The following SDHC variants were observed in gnomAD, a reference collection of about 807,000 sequenced individuals.
SDHC encodes succinate dehydrogenase complex subunit C, also known as succinate dehydrogenase cytochrome b560 subunit, mitochondrial.
SDHC carries 11 observed loss-of-function variants against 22.6 expected under a neutral mutation model. That is an observed-to-expected ratio of 0.49 (90% CI 0.31 to 0.81). The LOEUF (loss-of-function observed/expected upper bound fraction) is 0.81. SDHC is among the 30% of genes least tolerant of loss of function. The probability of loss-of-function intolerance (pLI) is 0.05; values close to 1 mark genes in which losing one functional copy is unlikely to be tolerated. For missense variants in SDHC, 160 were observed against 212.0 expected (o/e 0.75, Z 1.52); for synonymous variants, 80 against 77.8 (o/e 1.03, Z -0.15).
Position 161,314,622 on chromosome 1 carries a change from CG to C in SDHC, c.20+201del, listed in dbSNP as rs573801222. The stretch of plus-strand genomic sequence containing the variant: ...CGCTCCGGTGCGCTCCGTAGGGCTT[CG>C]GGGTCACTGACTTCGTATCGAGGGG... On this transcript the variant is annotated intron_variant, in intron 1 of 5. Coordinates refer to ENST00000367975, the MANE Select transcript of SDHC (RefSeq NM_003001.5). 165 of 634,270 alleles carry C rather than the reference CG, an allele frequency of 2.6e-4. 1 individual carries two copies. In the East Asian group the frequency reaches 4.3e-3, roughly 17 times the overall value. The allele number at this position is 634,270 out of a possible 1,614,324, so 39.3% of individuals were successfully genotyped here. A position where few individuals can be genotyped will look rare whatever the true frequency, so the allele number is the denominator to read the frequency against.
chr1:161,357,048 A>C (rs1459422399), intron 5 of SDHC, among the ~76,000 whole-genome samples: 1 of 151,762 alleles, frequency 6.6e-6, no homozygotes, highest in Non-Finnish European at 1.5e-5. Context: ...CCTGTGCCTC[A>C]GCCTCTTAAG....
intron 4 of SDHC, among the ~76,000 whole-genome samples, chr1:161,354,834 T>C (rs1182373156): frequency 2.0e-5 from 3 of 151,816 alleles, no homozygotes; most frequent in East Asian, 3.9e-4. Context: ...CTCAGCCTCC[T>C]GAGTAGCTGG....
At chr1:161,315,923 G>A (rs771692556) in intron 1 of SDHC, among the ~76,000 whole-genome samples, 1 of 152,056 alleles carries the variant, frequency 6.6e-6, no homozygotes, top group Non-Finnish European at 1.5e-5. Flanking sequence ...GATGTGGCAG[G>A]GTCATAGGAT....
intron 1 of SDHC, among the ~76,000 whole-genome samples, chr1:161,315,761 G>A (rs920350401): frequency 6.6e-6 from 1 of 152,072 alleles, no homozygotes; most frequent in Non-Finnish European, 1.5e-5. Flanking sequence ...TAGGTGGAAC[G>A]AGAGACTTGG....
rs931400789 is a variant in SDHC, at chr1:161,351,262, C to A, written c.242-5415C>A. On this transcript the variant is annotated intron_variant, in intron 4 of 5. Transcript: ENST00000367975. ...TATTAGAAGAGGTTTTGCCATCTAT[C>A]TTCTATACTTTAGTCTCTTGTAATT... 6.5e-4 allele frequency among the ~76,000 whole-genome samples: 99 copies of A among 152,234 alleles called. 1 individual carries two copies. The highest frequency in any genetic ancestry group is 2.4e-3 in the African/African-American group (98 of 41,558).
chr1:161,361,130 A>T (rs1019638440), intron 5 of SDHC, among the ~76,000 whole-genome samples: 1 of 152,170 alleles, frequency 6.6e-6, no homozygotes, highest in Admixed American at 6.5e-5. Context: ...AGGGAAGCAG[A>T]GGCAGGAGGA....
intron 2 of SDHC, among the ~76,000 whole-genome samples, chr1:161,323,969 T>C (rs1048220492): frequency 1.3e-5 from 2 of 152,186 alleles, no homozygotes; most frequent in African/African-American, 2.4e-5. Flanking sequence ...GTGCTGGGAT[T>C]ACAGGCTTGA....
chr1:161,329,501 T>C (rs1409776392), intron 3 of SDHC, among the ~76,000 whole-genome samples: 1 of 151,986 alleles, frequency 6.6e-6, no homozygotes, highest in African/African-American at 2.4e-5. Flanking sequence ...CCGGCTAATT[T>C]TTGTCTTTTA....
chr1:161,336,649 A>G (rs914092833), intron 3 of SDHC, among the ~76,000 whole-genome samples: 4 of 151,970 alleles, frequency 2.6e-5, no homozygotes, highest in Non-Finnish European at 5.9e-5. Context: ...ACTTGGGGGG[A>G]AAAAAGCAGC....
At chr1:161,333,080 A>C (rs1023976714) in intron 3 of SDHC, among the ~76,000 whole-genome samples, 11 of 152,266 alleles carry the variant, frequency 7.2e-5, no homozygotes, top group African/African-American at 2.7e-4. Context: ...ATTTAAATGT[A>C]GTGATAAAAT....
intron 2 of SDHC, among the ~76,000 whole-genome samples, chr1:161,325,415 C>T (rs766791787): frequency 1.6e-4 from 24 of 152,052 alleles, no homozygotes; most frequent in Non-Finnish European, 3.2e-4. Context: ...CATGGTGGCT[C>T]ATGCCTGTAA....
chr1:161,352,436 T>C (rs928394900), intron 4 of SDHC, among the ~76,000 whole-genome samples: 1 of 152,184 alleles, frequency 6.6e-6, no homozygotes, highest in African/African-American at 2.4e-5. Flanking sequence ...AAATTTTTCC[T>C]GATTACAAGA....
chr1:161,343,045 A>T (rs1240404963), intron 4 of SDHC, among the ~76,000 whole-genome samples: 1 of 152,178 alleles, frequency 6.6e-6, no homozygotes. Flanking sequence ...GCAGATGGCA[A>T]CCTTCAGGTC....
intron 4 of SDHC, among the ~76,000 whole-genome samples, chr1:161,346,430 G>A (rs61802087): frequency 0.01 from 1,520 of 150,134 alleles, 15 homozygotes; most frequent in Non-Finnish European, 0.017. Flanking sequence ...ACAGAGTTTC[G>A]CTTTTGTTGC....
At chr1:161,342,247 G>A (rs1302902631) in intron 4 of SDHC, among the ~76,000 whole-genome samples, 3 of 152,148 alleles carry the variant, frequency 2.0e-5, no homozygotes, top group Non-Finnish European at 4.4e-5. Flanking sequence ...GACATTGGGG[G>A]AACTTGTGTT....
At chr1:161,348,126 G>T (rs1198110757) in intron 4 of SDHC, among the ~76,000 whole-genome samples, 1 of 151,980 alleles carries the variant, frequency 6.6e-6, no homozygotes, top group East Asian at 1.9e-4. Context: ...CTTTAAAATA[G>T]AATTTATTAA....
intron 3 of SDHC, among the ~76,000 whole-genome samples, chr1:161,336,667 A>G (rs1273724941): frequency 1.3e-5 from 2 of 152,070 alleles, no homozygotes; most frequent in African/African-American, 2.4e-5. Context: ...AGCAGGGAAC[A>G]CGGGGCTATA....
chr1:161,326,398 C>T (rs1671049871), intron 2 of SDHC, among the ~76,000 whole-genome samples: 1 of 151,768 alleles, frequency 6.6e-6, no homozygotes, highest in South Asian at 2.1e-4. Context: ...TCTTGGATCT[C>T]ATGTAGGAAG....
At chr1:161,354,354 C>T (rs1210718022) in intron 4 of SDHC, among the ~76,000 whole-genome samples, 1 of 152,116 alleles carries the variant, frequency 6.6e-6, no homozygotes, top group African/African-American at 2.4e-5. Flanking sequence ...AACTGAACTA[C>T]CTTGAGCTAG....
Sources: allele counts gnomAD v4.1 joint callset (sites outside exome capture counted in the v4.1 genomes callset), GRCh38; gene constraint gnomAD v4.1.1; transcripts MANE v1.5; gene names NCBI Gene and HGNC (gene_info 2026-07-23, HGNC 2026-07-21).